Variants in NCAM2 observed in about 807,000 individuals in gnomAD.
NCAM2 encodes the protein N-CAM-2.
In NCAM2, 30 loss-of-function variants were observed where a neutral mutation model predicts 98.1. The ratio of observed to expected loss-of-function variants is 0.31; its 90% CI spans 0.23 to 0.41. The LOEUF is 0.41. NCAM2 is among the 10% of genes least tolerant of loss of function. The pLI is 1.00. For synonymous variants in NCAM2, 368 were observed against 342.4 expected, an observed-to-expected ratio of 1.07 and a Z score of -0.83; for missense variants, 867 against 1,005.8, an observed-to-expected ratio of 0.86 and a Z score of 1.87.
intron 9 of NCAM2, among the ~76,000 whole-genome samples, chr21:21,384,072 T>C (rs1026678395): frequency 1.3e-5 from 2 of 152,014 alleles, no homozygotes; most frequent in Non-Finnish European, 2.9e-5. Flanking sequence ...TACTGGTAGA[T>C]ATATAAGTAT....
At chr21:21,411,620 G>A (rs115636039) in intron 10 of NCAM2, among the ~76,000 whole-genome samples, 2 of 152,056 alleles carry the variant, frequency 1.3e-5, no homozygotes, top group South Asian at 2.1e-4. Flanking sequence ...TTATGATGCG[G>A]TTAGGAAAAT....
intron 15 of NCAM2, among the ~76,000 whole-genome samples, chr21:21,503,917 A>G (rs535658936): frequency 2.0e-5 from 3 of 152,042 alleles, no homozygotes; most frequent in Admixed American, 6.6e-5. Flanking sequence ...TAACAGCAAT[A>G]CAAAATGATC....
chr21:21,021,766 C>T (rs1021311739), intron 1 of NCAM2, among the ~76,000 whole-genome samples: 101 of 152,228 alleles, frequency 6.6e-4, no homozygotes, highest in African/African-American at 2.3e-3. Context: ...CTCTTATGAA[C>T]GACTAGTACA....
chr21:21,202,539 C>A (rs183450178), intron 1 of NCAM2, among the ~76,000 whole-genome samples: 2 of 150,676 alleles, frequency 1.3e-5, no homozygotes, highest in Non-Finnish European at 3.0e-5. Context: ...GCCTCAGCCT[C>A]CCAAGTAGCT....
intron 1 of NCAM2, among the ~76,000 whole-genome samples, chr21:20,999,195 G>A (rs2063974572): frequency 6.6e-6 from 1 of 152,058 alleles, no homozygotes; most frequent in African/African-American, 2.4e-5. Context: ...GTGTAAGAAA[G>A]CAAATGGATA....
chr21:21,038,677 G>C (rs2064845639), intron 1 of NCAM2, among the ~76,000 whole-genome samples: 1 of 152,184 alleles, frequency 6.6e-6, no homozygotes, highest in East Asian at 1.9e-4. Flanking sequence ...GGAACTGTAA[G>C]TCAGTTAAAC....
chr21:21,262,683 T>A lies in NCAM2; in HGVS notation c.56-17895T>A, dbSNP rs1172294092. Among the ~76,000 whole-genome samples the A allele has an allele frequency of 3.2e-5, 4 of 124,762 alleles. No individual in the cohort carries two copies. The South Asian group carries it at 8.1e-4, about 25-fold the overall frequency. The allele number at this position is 124,762 out of a possible 152,430, so 81.8% of individuals were successfully genotyped here. On this transcript the variant is annotated intron_variant, in intron 1 of 17. Coordinates refer to ENST00000400546, the MANE Select transcript of NCAM2 (RefSeq NM_004540.5). ...CAAAAAAAAAAAAAAAAAAAAGATG[T>A]CTTGCAAATAGGAAAAGTGGAAGTC...
chr21:21,216,542 T>C (rs1198411776), intron 1 of NCAM2, among the ~76,000 whole-genome samples: 3 of 152,206 alleles, frequency 2.0e-5, no homozygotes, highest in Admixed American at 6.5e-5. Flanking sequence ...TGAGTTGAAC[T>C]TCTCCATACA....
intron 16 of NCAM2, among the ~76,000 whole-genome samples, chr21:21,514,449 G>T (rs1359148028): frequency 2.0e-5 from 2 of 101,470 alleles, no homozygotes; most frequent in Non-Finnish European, 4.0e-5. Flanking sequence ...TGGGCAACAA[G>T]AGCAAAACTT....
intron 1 of NCAM2, among the ~76,000 whole-genome samples, chr21:21,024,175 T>A (rs1042884607): frequency 1.3e-5 from 2 of 152,244 alleles, no homozygotes; most frequent in African/African-American, 2.4e-5. Context: ...GCATGAATGC[T>A]GACAATCTGA....
chr21:21,357,408 G>A (rs912564701), intron 8 of NCAM2, among the ~76,000 whole-genome samples: 2 of 151,864 alleles, frequency 1.3e-5, no homozygotes, highest in Non-Finnish European at 2.9e-5. Flanking sequence ...TATTATAGGG[G>A]GCATTTTAAG....
At chr21:21,037,892 A>C (rs2064829476) in intron 1 of NCAM2, among the ~76,000 whole-genome samples, 2 of 152,210 alleles carry the variant, frequency 1.3e-5, no homozygotes. Context: ...GTGTTGAAGC[A>C]GAACATTCTC....
chr21:21,207,858 C>A (rs2069503320), intron 1 of NCAM2, among the ~76,000 whole-genome samples: 1 of 152,122 alleles, frequency 6.6e-6, no homozygotes. Flanking sequence ...ATGTAAACTG[C>A]ATATTATCAG....
intron 5 of NCAM2, among the ~76,000 whole-genome samples, chr21:21,310,670 A>G (rs1467825951): frequency 6.6e-6 from 1 of 152,188 alleles, no homozygotes; most frequent in Non-Finnish European, 1.5e-5. Flanking sequence ...TAATATTTGC[A>G]TGTTTGTTTT....
At chr21:21,233,544 C>T (rs548605890) in intron 1 of NCAM2, among the ~76,000 whole-genome samples, 1 of 151,474 alleles carries the variant, frequency 6.6e-6, no homozygotes, top group Non-Finnish European at 1.5e-5. Context: ...TAAGATACTA[C>T]AAAATTTATA....
Position 21,104,556 on chromosome 21 carries a change from G to A in NCAM2, c.55+105938G>A, listed in dbSNP as rs181910258. ...TTAGTAAAGAAGAGAGAATGAGACA[G>A]TTAGTCAGTAAACAGAATTAGAGGG... On this transcript the variant is annotated intron_variant, in intron 1 of 17. Coordinates refer to ENST00000400546, the MANE Select transcript of NCAM2 (RefSeq NM_004540.5). Among the ~76,000 whole-genome samples the A allele has an allele frequency of 6.9e-3, 954 of 138,232 alleles. 10 individuals are homozygous for A. The highest frequency in any genetic ancestry group is 0.033 in the East Asian group (166 of 5,102). The allele number at this position is 138,232 out of a possible 152,430, so 90.7% of individuals were successfully genotyped here.
intron 1 of NCAM2, among the ~76,000 whole-genome samples, chr21:21,066,111 A>G (rs1044392664): frequency 2.0e-5 from 3 of 152,136 alleles, no homozygotes; most frequent in African/African-American, 4.8e-5. Flanking sequence ...GGGATATTCT[A>G]TGTAATTTGG....
intron 1 of NCAM2, among the ~76,000 whole-genome samples, chr21:21,213,711 TATA>T (rs535614289): frequency 1.3e-5 from 2 of 152,332 alleles, no homozygotes; most frequent in East Asian, 3.9e-4. Flanking sequence ...CCCATTGTGT[TATA>T]ATGTTATATT....
chr21:21,064,568 A>G (rs887495781), intron 1 of NCAM2, among the ~76,000 whole-genome samples: 4 of 152,124 alleles, frequency 2.6e-5, no homozygotes, highest in African/African-American at 7.2e-5. Flanking sequence ...CATTCTAGGA[A>G]TTGCTGTGGG....
Sources: gnomAD v4.1 joint callset for allele counts (sites outside exome capture counted in the v4.1 genomes callset) on GRCh38, gnomAD v4.1.1 for gene constraint, MANE v1.5 for transcripts, NCBI Gene and HGNC (gene_info 2026-07-23, HGNC 2026-07-21) for gene names.